Variants in KIF26B observed in about 807,000 individuals in gnomAD.
KIF26B encodes the protein kinesin-like protein KIF26B.
Under a neutral mutation model 151.2 loss-of-function variants are expected in KIF26B, and 63 were observed. The observed-to-expected ratio is 0.42, with a 90% confidence interval of 0.34 to 0.51. The LOEUF is 0.51. Among genes scored for constraint, KIF26B ranks in the 20% least tolerant of loss-of-function variants. The pLI is 0.07. For synonymous variants in KIF26B, 1,357 were observed against 1,262.1 expected (o/e 1.08, Z -1.59); for missense variants, 2,813 against 2,913.6 (o/e 0.97, Z 0.79).
chr1:245,619,720 G>A (rs763023495), intron 9 of KIF26B, among the ~76,000 whole-genome samples: 45 of 151,618 alleles, frequency 3.0e-4, no homozygotes, highest in Admixed American at 1.1e-3. Context: ...CAAGACCAGC[G>A]TGGCCAACGT....
chr1:245,571,407 G>T (rs1373939259), intron 5 of KIF26B, among the ~76,000 whole-genome samples: 1 of 152,248 alleles, frequency 6.6e-6, no homozygotes, highest in African/African-American at 2.4e-5. Flanking sequence ...AGATAAGTCA[G>T]ATTTCCAGAA....
chr1:245,420,875 C>T (rs763009936), intron 4 of KIF26B, among the ~76,000 whole-genome samples: 85 of 152,156 alleles, frequency 5.6e-4, no homozygotes, highest in African/African-American at 1.9e-3. Context: ...ATTAGGACAG[C>T]GGCAAGGCAG....
chr1:245,543,653 T>C (rs1311146051), intron 5 of KIF26B, among the ~76,000 whole-genome samples: 1 of 152,034 alleles, frequency 6.6e-6, no homozygotes, highest in Non-Finnish European at 1.5e-5. Context: ...TGTACCATGA[T>C]TGGAACAAGA....
chr1:245,188,512 G>A (rs893890890), intron 2 of KIF26B, among the ~76,000 whole-genome samples: 2 of 152,102 alleles, frequency 1.3e-5, no homozygotes, highest in Non-Finnish European at 2.9e-5. Context: ...TCTGTGCTTT[G>A]CAAACTGATG....
intron 2 of KIF26B, among the ~76,000 whole-genome samples, chr1:245,252,853 A>G (rs1670468536): frequency 1.3e-5 from 2 of 152,072 alleles, no homozygotes; most frequent in Non-Finnish European, 1.5e-5. Flanking sequence ...CTTAGCCATT[A>G]AGTATGATGT....
intron 2 of KIF26B, among the ~76,000 whole-genome samples, chr1:245,270,184 A>C (rs372490475): frequency 1.3e-3 from 101 of 75,516 alleles, no homozygotes; most frequent in African/African-American, 1.8e-3. Context: ...CTTCCCTTCC[A>C]TTCCTTCTTC....
chr1:245,318,397 G>A lies in KIF26B; in HGVS notation c.466-48437G>A, dbSNP rs1270573162. Among the ~76,000 whole-genome samples, 3 of 152,190 alleles carry A rather than the reference G, an allele frequency of 2.0e-5. No homozygotes were observed. In the East Asian group the frequency reaches 5.8e-4, roughly 29 times the overall value. On this transcript the variant is annotated intron_variant, in intron 2 of 14. Coordinates refer to ENST00000407071, the MANE Select transcript of KIF26B (RefSeq NM_018012.4). This position sits in a 1 kb window ranked among gnomAD's most constrained non-coding sequence, Gnocchi z 4.0. Reference sequence around the variant, plus strand: ...GGGAGAATTCTGCCAGCACCAACCTGATCATCCTTCTGGGCATGGCCAAAT... The same window carrying A: ...GGGAGAATTCTGCCAGCACCAACCTAATCATCCTTCTGGGCATGGCCAAAT...
chr1:245,174,081 C>T (rs1668761714), intron 2 of KIF26B, among the ~76,000 whole-genome samples: 3 of 152,184 alleles, frequency 2.0e-5, no homozygotes, highest in South Asian at 2.1e-4. Context: ...ATAATTACAT[C>T]GCACATTTTG....
At position 245,167,814 on chromosome 1, in the gene KIF26B, G is replaced by A. The variant is rs1221735275; in HGVS notation, c.465+11131G>A. On this transcript the variant is annotated intron_variant, in intron 2 of 14. Transcript: ENST00000407071. This position sits in a 1 kb window ranked among gnomAD's most constrained non-coding sequence, Gnocchi z 4.2. ...CCTTTACCAAGACAGGCAGCGTGGT[G>A]ATGGGGGCTGAGGGATAGATGGGAG... Among the ~76,000 whole-genome samples the A allele has an allele frequency of 6.6e-6, 1 of 152,150 alleles. No homozygotes were observed. Among genetic ancestry groups the A allele is most frequent in the Non-Finnish European group, 1.5e-5 (1 of 68,022 alleles).
At chr1:245,273,274 T>G (rs1374325226) in intron 2 of KIF26B, among the ~76,000 whole-genome samples, 1 of 152,036 alleles carries the variant, frequency 6.6e-6, no homozygotes, top group Non-Finnish European at 1.5e-5. Context: ...AAAAATTAGC[T>G]GGATGTTGTG....
intron 5 of KIF26B, among the ~76,000 whole-genome samples, chr1:245,570,028 T>C (rs533271016): frequency 2.2e-5 from 3 of 137,196 alleles, no homozygotes; most frequent in Non-Finnish European, 4.6e-5. Flanking sequence ...CTCCGCCTCC[T>C]GGGTTCACGC....
At chr1:245,337,567 T>G (rs1287775873) in intron 2 of KIF26B, among the ~76,000 whole-genome samples, 2 of 151,654 alleles carry the variant, frequency 1.3e-5, no homozygotes, top group Admixed American at 1.3e-4. Flanking sequence ...CACCCGTGTA[T>G]GAGTATATGT....
chr1:245,204,137 AG>A (rs1342487940), intron 2 of KIF26B, among the ~76,000 whole-genome samples: 3 of 152,122 alleles, frequency 2.0e-5, no homozygotes, highest in Admixed American at 1.3e-4. Flanking sequence ...TGCACGGCTC[AG>A]GTGGCAGTGA....
intron 4 of KIF26B, among the ~76,000 whole-genome samples, chr1:245,451,876 AG>A (rs1327822332): frequency 6.6e-6 from 1 of 152,168 alleles, no homozygotes; most frequent in Non-Finnish European, 1.5e-5. Flanking sequence ...CTGGGATTAC[AG>A]GTATGAGCCA....
At chr1:245,503,788 A>G (rs773205446) in intron 4 of KIF26B, among the ~76,000 whole-genome samples, 6 of 152,212 alleles carry the variant, frequency 3.9e-5, no homozygotes, top group African/African-American at 1.4e-4. Flanking sequence ...GTCTTGCCTT[A>G]TGCAGGTTTT....
chr1:245,596,955 C>A (rs1294238314), intron 5 of KIF26B, among the ~76,000 whole-genome samples: 1 of 152,134 alleles, frequency 6.6e-6, no homozygotes, highest in African/African-American at 2.4e-5. Context: ...ACGACCGCAA[C>A]CCTTGCTTTT....
intron 2 of KIF26B, among the ~76,000 whole-genome samples, chr1:245,341,622 C>T (rs772665755): frequency 6.6e-5 from 10 of 152,154 alleles, no homozygotes; most frequent in African/African-American, 9.7e-5. Flanking sequence ...GGGCCCAGCA[C>T]GGTGCAGTCT....
intron 3 of KIF26B, among the ~76,000 whole-genome samples, chr1:245,374,134 T>TATAG (rs1673215457): frequency 1.2e-5 from 1 of 81,484 alleles, no homozygotes; most frequent in Non-Finnish European, 2.3e-5. Flanking sequence ...TATATATATA[T>TATAG]ATATGGGCAC....
chr1:245,188,146 G>A lies in KIF26B; in HGVS notation c.465+31463G>A, dbSNP rs549887638. ...AATACAAAAATTAGCCAGGTGTGGT[G>A]GCACACGCTTGTAATCCCAGCTACT... On this transcript the variant is annotated intron_variant, in intron 2 of 14. Coordinates refer to ENST00000407071, the MANE Select transcript of KIF26B (RefSeq NM_018012.4). Among the ~76,000 whole-genome samples, 29 of 152,126 alleles carry A rather than the reference G, an allele frequency of 1.9e-4. No homozygotes were observed. In the East Asian group the frequency reaches 5.6e-3, roughly 29 times the overall value.
Sources: gnomAD v4.1 joint callset for allele counts (sites outside exome capture counted in the v4.1 genomes callset) on GRCh38, gnomAD v4.1.1 for gene constraint, Gnocchi (gnomAD v3.1) non-coding constraint, MANE v1.5 for transcripts, NCBI Gene and HGNC (gene_info 2026-07-23, HGNC 2026-07-21) for gene names.